Variants in MYPN observed in about 807,000 individuals in gnomAD.
MYPN encodes myopalladin, also known as sarcomeric protein myopalladin, 145 kDa (MYOP).
A neutral mutation model predicts 129.4 loss-of-function variants in MYPN; 63 were observed. The ratio of observed to expected loss-of-function variants is 0.49; its 90% CI spans 0.40 to 0.60. The LOEUF (loss-of-function observed/expected upper bound fraction) is 0.60, where lower values mean the gene tolerates loss of function less well. Ranked by LOEUF, MYPN falls within the 20% of genes least tolerant of loss-of-function variation. The pLI is 0.00. For synonymous variants in MYPN, 629 were observed against 600.9 expected, an observed-to-expected ratio of 1.05 and a Z score of -0.68; for missense variants, 1,596 against 1,635.4, an observed-to-expected ratio of 0.98 and a Z score of 0.42.
Position 68,155,221 on chromosome 10 carries a change from C to A in MYPN, c.1318-3265C>A, listed in dbSNP as rs1162186776. On this transcript the variant is annotated intron_variant, in intron 6 of 19. Transcript: ENST00000358913. ...AAAAAACAAAACAAAACAAAAAAAA[C>A]CCTTCCATTTCAGCTAAGAAGAAAT... 5.9e-5 allele frequency among the ~76,000 whole-genome samples: 9 copies of A among 151,910 alleles called. No individual in the cohort carries two copies. The South Asian group carries it at 6.2e-4, about 11-fold the overall frequency.
intron 18 of MYPN, among the ~76,000 whole-genome samples, chr10:68,204,429 G>A (rs1351637316): frequency 6.6e-6 from 1 of 152,142 alleles, no homozygotes; most frequent in African/African-American, 2.4e-5. Context: ...GACCTTTTAA[G>A]AATGCAAACT....
chr10:68,172,050 G>A (rs1012126304), intron 10 of MYPN, among the ~76,000 whole-genome samples: 1 of 152,140 alleles, frequency 6.6e-6, no homozygotes, highest in African/African-American at 2.4e-5. Context: ...TGTCCCAAAA[G>A]CAACACATAT....
At position 68,167,759 on chromosome 10, in the gene MYPN, G is replaced by C. The variant is rs183874194; in HGVS notation, c.1973+1093G>C. 1.0e-3 allele frequency among the ~76,000 whole-genome samples: 155 copies of C among 152,274 alleles called. 2 individuals are homozygous for C. In the Middle Eastern group the frequency reaches 0.034, roughly 33 times the overall value. ...CAAAATTCTGGACATAAGATTCAAT[G>C]TTGTGAAACATGCCTCTAAGCAAGT... On this transcript the variant is annotated intron_variant, in intron 10 of 19. Coordinates refer to ENST00000358913, the MANE Select transcript of MYPN (RefSeq NM_032578.4).
intron 2 of MYPN, chr10:68,135,515 G>A: frequency 1.0e-6 from 1 of 984,372 alleles, no homozygotes; most frequent in Non-Finnish European, 1.2e-6. Context: ...CTGGAAATGT[G>A]AGTAAGCAAA....
intron 13 of MYPN, among the ~76,000 whole-genome samples, 190 bp from the exon 14 acceptor site, chr10:68,194,173 T>G (rs1041932615): frequency 6.6e-6 from 1 of 152,080 alleles, no homozygotes; most frequent in African/African-American, 2.4e-5. Context: ...TTAAATAGTA[T>G]TATACAGGTA....
chr10:68,099,923 C>T (rs1207497651), intron 1 of MYPN, among the ~76,000 whole-genome samples: 3 of 152,046 alleles, frequency 2.0e-5, no homozygotes, highest in Non-Finnish European at 4.4e-5. Context: ...TGAAATGTGG[C>T]GTGGTGTAGC....
chr10:68,182,508 A>G (rs1381350125), intron 12 of MYPN, among the ~76,000 whole-genome samples: 1 of 142,086 alleles, frequency 7.0e-6, no homozygotes, highest in Non-Finnish European at 1.5e-5. Context: ...ATATATATAT[A>G]TGGCATTTTT....
At chr10:68,149,936 T>C in intron 5 of MYPN, 104 bp from the exon 6 acceptor site, 1 of 1,045,514 alleles carries the variant, frequency 9.6e-7, no homozygotes, top group Non-Finnish European at 1.5e-6. Context: ...AGTTTTTTGG[T>C]TTGGGATGCA....
chr10:68,142,109 A>G (rs1300862192), intron 2 of MYPN, among the ~76,000 whole-genome samples: 2 of 152,216 alleles, frequency 1.3e-5, no homozygotes, highest in African/African-American at 4.8e-5. Flanking sequence ...GGATATTTGC[A>G]TCTGTAATTC....
chr10:68,143,222 G>T, intron 3 of MYPN, 107 bp downstream of exon 3: 1 of 1,094,084 alleles, frequency 9.1e-7, no homozygotes, highest in Non-Finnish European at 1.4e-6. Context: ...TCTAGGCAAT[G>T]AGGATACAGC....
At chr10:68,121,409 A>G in intron 1 of MYPN, 29 bp from the exon 2 acceptor site, 3 of 1,598,678 alleles carry the variant, frequency 1.9e-6, no homozygotes, top group East Asian at 2.2e-5. Flanking sequence ...AAATGATCCA[A>G]ACTTTTTGTT....
Position 68,121,830 on chromosome 10 carries a change from G to T in MYPN, c.392G>T (p.Ser131Ile), listed in dbSNP as rs199853307. 125 of 1,614,014 alleles carry T rather than the reference G, an allele frequency of 7.7e-5. No individual in the cohort carries two copies. Among genetic ancestry groups the T allele is most frequent in the Admixed American group, 1.7e-5 (1 of 59,998 alleles). ...NPRSPTSSKESPQEAKRPQYC... is the reference protein window; with the variant it reads ...NPRSPTSSKEIPQEAKRPQYC... ...CGAAGTCCCACCAGCTCTAAAGAAA[G>T]CCCCCAGGAGGCAAAAAGGCCACAG... The change falls in exon 2 of 20, where the codon AGC becomes ATC. Residue 131 changes from serine (S) to isoleucine (I), a missense_variant. Physicochemically the swap from Ser to Ile is moderately radical, Grantham distance 142. Transcript: ENST00000358913.
intron 2 of MYPN, chr10:68,136,823 T>C (rs747899662): frequency 1.5e-6 from 2 of 1,326,012 alleles, no homozygotes; most frequent in Non-Finnish European, 2.1e-6. Flanking sequence ...TATTGATATT[T>C]GTTTTATCAA....
rs1298116965 is a variant in MYPN, at chr10:68,174,558, G to A, written c.2466G>A (p.Arg822=). 6.8e-6 allele frequency: 11 copies of A among 1,613,976 alleles called. No individual in the cohort carries two copies. The highest frequency in any genetic ancestry group is 2.7e-5 in the African/African-American group (2 of 74,914). The part of the protein sequence containing the change: ...VSPIPVSPTS[R]IQNPVAFLSS... ...CAATTCCTGTCTCTCCTACCAGCCG[G>A]ATTCAGAACCCAGTGGCTTTCCTCA... is the stretch of plus-strand genomic sequence containing the variant. The change falls in exon 11 of 20, where the codon CGG becomes CGA. Residue 822 remains arginine (R), a synonymous_variant. Transcript: ENST00000358913.
intron 13 of MYPN, among the ~76,000 whole-genome samples, chr10:68,193,385 A>G (rs114881824): frequency 0.015 from 2,313 of 152,304 alleles, 67 homozygotes; most frequent in African/African-American, 0.052. Context: ...TCATGATACT[A>G]TATTTTGGGC....
At chr10:68,184,402 G>A (rs2043387600) in intron 12 of MYPN, among the ~76,000 whole-genome samples, 1 of 151,916 alleles carries the variant, frequency 6.6e-6, no homozygotes, top group African/African-American at 2.4e-5. Context: ...GAGGAGTCCA[G>A]AGTAAACCCA....
chr10:68,203,718 C>CAGAGAGAGAGAGAGAG (rs1338807696), intron 18 of MYPN, among the ~76,000 whole-genome samples: 1 of 69,348 alleles, frequency 1.4e-5, no homozygotes, highest in Non-Finnish European at 3.9e-5. Flanking sequence ...CACATACACA[C>CAGAGAGAGAGAGAGAG]ACAGAGAGAG....
At chr10:68,095,773 G>GGC (rs1554836549) in intron 1 of MYPN, among the ~76,000 whole-genome samples, 1 of 91,662 alleles carries the variant, frequency 1.1e-5, no homozygotes, top group South Asian at 5.3e-4. Flanking sequence ...GGGGAATAGG[G>GGC]GGTTATTGTT....
At position 68,167,965 on chromosome 10, in the gene MYPN, A is replaced by C. The variant is rs572868794; in HGVS notation, c.1973+1299A>C. Reference sequence around the variant, plus strand: ...CGGGAACTGGGCCTTTTCACCTGTCACTCAGGATCACAGGTCAGTCCAGCC... The same window carrying C: ...CGGGAACTGGGCCTTTTCACCTGTCCCTCAGGATCACAGGTCAGTCCAGCC... On this transcript the variant is annotated intron_variant, in intron 10 of 19. Coordinates refer to ENST00000358913, the MANE Select transcript of MYPN (RefSeq NM_032578.4). 2.7e-3 allele frequency among the ~76,000 whole-genome samples: 407 copies of C among 152,260 alleles called. 5 individuals are homozygous for C. Among genetic ancestry groups the C allele is most frequent in the African/African-American group, 9.4e-3 (389 of 41,554 alleles).
Sources: allele counts gnomAD v4.1 joint callset (sites outside exome capture counted in the v4.1 genomes callset), GRCh38; gene constraint gnomAD v4.1.1; transcripts MANE v1.5; gene names NCBI Gene and HGNC (gene_info 2026-07-23, HGNC 2026-07-21).